Variants in RASA3 observed in about 807,000 individuals in gnomAD.
RASA3 encodes RAS p21 protein activator 3, also known as ras GTPase-activating protein 3.
A neutral mutation model predicts 110.0 loss-of-function variants in RASA3; 73 were observed. The ratio of observed to expected loss-of-function variants is 0.66; its 90% confidence interval spans 0.55 to 0.81. The LOEUF (loss-of-function observed/expected upper bound fraction) is 0.81, where lower values mean the gene tolerates loss of function less well. RASA3 is among the 30% of genes least tolerant of loss of function. The probability of loss-of-function intolerance (pLI) is 0.00; values close to 1 mark genes in which losing one functional copy is unlikely to be tolerated. For missense variants in RASA3, 976 were observed against 1,113.2 expected (o/e 0.88, Z 1.75); for synonymous variants, 500 against 451.4 (o/e 1.11, Z -1.37).
intron 1 of RASA3, among the ~76,000 whole-genome samples, chr13:114,081,461 G>A (rs1290389701): frequency 6.6e-6 from 1 of 152,206 alleles, no homozygotes; most frequent in Non-Finnish European, 1.5e-5. Context: ...TCGTGGTTCT[G>A]ACTGCCTGTG....
intron 1 of RASA3, among the ~76,000 whole-genome samples, chr13:114,130,664 C>T (rs2080504911): frequency 6.6e-6 from 1 of 152,234 alleles, no homozygotes; most frequent in Non-Finnish European, 1.5e-5. Flanking sequence ...CTTCCCATGC[C>T]TTCTGTAAAG....
At position 113,984,499 on chromosome 13, in the gene RASA3, GTCCATCCACCCATTACTCACCCATCCA is replaced by G. The variant is rs2053006899; in HGVS notation, c.2246-2668_2246-2642del. On this transcript the variant is annotated intron_variant, in intron 22 of 23. Coordinates refer to ENST00000334062, the MANE Select transcript of RASA3 (RefSeq NM_007368.4). The stretch of plus-strand genomic sequence containing the variant: ...CCATCCACCCATCACTCACCCATCC[GTCCATCCACCCATTACTCACCCATCCA>G]TCCATCCACCCATCACTCACCCACC... Among the ~76,000 whole-genome samples, 2 of 31,260 alleles carry G rather than the reference GTCCATCCACCCATTACTCACCCATCCA, an allele frequency of 6.4e-5. 1 individual carries two copies. Among genetic ancestry groups the G allele is most frequent in the African/African-American group, 2.1e-4 (2 of 9,504 alleles). 20.5% of individuals were successfully genotyped at this position (31,260 alleles called of 152,430 possible).
chr13:114,107,572 T>G (rs1347998570), intron 1 of RASA3: 2 of 152,680 alleles, frequency 1.3e-5, no homozygotes, highest in East Asian at 3.9e-4. Flanking sequence ...TCCCCGGAAC[T>G]CCAGGCTGCT....
intron 2 of RASA3, among the ~76,000 whole-genome samples, chr13:114,066,397 G>A (rs1364780097): frequency 2.0e-5 from 3 of 152,208 alleles, no homozygotes; most frequent in Non-Finnish European, 2.9e-5. Flanking sequence ...GCCAGCGGCC[G>A]AGGAGCGGGA....
chr13:114,051,521 G>A (rs2079146198), intron 3 of RASA3, among the ~76,000 whole-genome samples: 1 of 152,204 alleles, frequency 6.6e-6, no homozygotes, highest in Non-Finnish European at 1.5e-5. Context: ...AGGCAGGGCT[G>A]CCCATGAGCT....
intron 1 of RASA3, among the ~76,000 whole-genome samples, chr13:114,100,828 T>A (rs2080049978): frequency 2.0e-5 from 3 of 152,236 alleles, no homozygotes; most frequent in Non-Finnish European, 4.4e-5. Flanking sequence ...CCCATGCGTC[T>A]GTGTTCTCGC....
At chr13:114,004,049 T>C (rs965503992) in intron 18 of RASA3, among the ~76,000 whole-genome samples, 2 of 152,246 alleles carry the variant, frequency 1.3e-5, no homozygotes, top group African/African-American at 2.4e-5. Flanking sequence ...TAACATGAAA[T>C]GTGTGTATTG....
intron 3 of RASA3, among the ~76,000 whole-genome samples, chr13:114,050,976 C>T (rs367845370): frequency 1.1e-4 from 16 of 152,310 alleles, no homozygotes; most frequent in East Asian, 9.6e-4. Context: ...CACAGGTGAG[C>T]GCTGGGGAAA....
At chr13:114,024,981 G>GGCCCTTGCAGCAGA (rs1389727328) in intron 7 of RASA3, among the ~76,000 whole-genome samples, 1 of 152,238 alleles carries the variant, frequency 6.6e-6, no homozygotes, top group African/African-American at 2.4e-5. Flanking sequence ...CAGCCAGCAG[G>GGCCCTTGCAGCAGA]GCCCTTGCAG....
intron 20 of RASA3, 146 bp downstream of exon 20, chr13:113,999,439 G>C: frequency 1.5e-6 from 1 of 658,162 alleles, no homozygotes; most frequent in East Asian, 2.8e-5. Flanking sequence ...AGCACCTGGT[G>C]AACAACCCGA....
At chr13:113,999,723 C>T (rs115290344) in intron 19 of RASA3, 56 bp from the exon 20 acceptor site, 176,248 of 1,319,724 alleles carry the variant, frequency 0.13, 11,760 homozygotes, top group Middle Eastern at 0.21. Flanking sequence ...GGCTGGGGTC[C>T]GGGTGGGGCT....
intron 19 of RASA3, among the ~76,000 whole-genome samples, chr13:114,000,252 G>C (rs2053363741): frequency 6.6e-6 from 1 of 151,836 alleles, no homozygotes; most frequent in African/African-American, 2.4e-5. Context: ...GATGATGGCT[G>C]AATCACTGAC....
intron 16 of RASA3, among the ~76,000 whole-genome samples, chr13:114,009,792 G>T (rs574381890): frequency 4.8e-4 from 73 of 152,314 alleles, no homozygotes; most frequent in African/African-American, 1.7e-3. Flanking sequence ...CCCAGATGTG[G>T]CTGCCTGGGA....
At chr13:114,068,421 G>A (rs958200711) in intron 2 of RASA3, among the ~76,000 whole-genome samples, 3 of 152,246 alleles carry the variant, frequency 2.0e-5, no homozygotes, top group African/African-American at 7.2e-5. Context: ...TCCTTACGTG[G>A]ATGGAAGGAA....
chr13:114,100,905 C>T (rs773658689), intron 1 of RASA3, among the ~76,000 whole-genome samples: 2 of 152,340 alleles, frequency 1.3e-5, no homozygotes, highest in Admixed American at 6.5e-5. Flanking sequence ...GAGAATGCCA[C>T]ACAATTTTAA....
chr13:114,047,281 C>G (rs1446118345), intron 3 of RASA3, among the ~76,000 whole-genome samples: 2 of 152,174 alleles, frequency 1.3e-5, no homozygotes, highest in African/African-American at 4.8e-5. Flanking sequence ...ATGGAGCTGT[C>G]ACTAAGCCCA....
intron 3 of RASA3, among the ~76,000 whole-genome samples, chr13:114,041,616 A>G (rs2054408926): frequency 6.6e-6 from 1 of 152,256 alleles, no homozygotes; most frequent in South Asian, 2.1e-4. Flanking sequence ...CAGCAGCATC[A>G]CGCCACAAGA....
At chr13:114,128,780 G>A (rs1460316203) in intron 1 of RASA3, among the ~76,000 whole-genome samples, 2 of 152,222 alleles carry the variant, frequency 1.3e-5, no homozygotes, top group Non-Finnish European at 2.9e-5. Flanking sequence ...AGAAGGGAGC[G>A]ACCAGAGAGC....
intron 22 of RASA3, among the ~76,000 whole-genome samples, chr13:113,990,693 G>C (rs1448385639): frequency 6.6e-6 from 1 of 152,238 alleles, no homozygotes; most frequent in Non-Finnish European, 1.5e-5. Flanking sequence ...TGGCCCATGA[G>C]TGTGTACATG....
Sources: allele counts gnomAD v4.1 joint callset (sites outside exome capture counted in the v4.1 genomes callset), GRCh38; gene constraint gnomAD v4.1.1; transcripts MANE v1.5; gene names NCBI Gene and HGNC (gene_info 2026-07-23, HGNC 2026-07-21).